NIFK: variants seen among roughly 807,000 people sequenced by gnomAD.
NIFK encodes the protein nucleolar protein interacting with the FHA domain of MKI67.
A neutral mutation model predicts 31.7 loss-of-function variants in NIFK; 16 were observed. The observed-to-expected ratio is 0.50, with a 90% CI of 0.34 to 0.77. NIFK has a LOEUF of 0.77. Among genes scored for constraint, NIFK ranks in the 30% least tolerant of loss-of-function variants. The pLI, the probability that NIFK is intolerant of heterozygous loss-of-function variation, is 0.01. For synonymous variants in NIFK, 126 were observed against 123.0 expected (o/e 1.02, Z -0.16); for missense variants, 341 against 350.4 (o/e 0.97, Z 0.21).
chr2:121,733,796 G>A (rs1470972729), intron 2 of NIFK, among the ~76,000 whole-genome samples: 1 of 152,118 alleles, frequency 6.6e-6, no homozygotes, highest in Non-Finnish European at 1.5e-5. Flanking sequence ...TTTCAGTTAT[G>A]CTTACATGCA....
At chr2:121,734,901 C>T (rs886286078) in intron 2 of NIFK, among the ~76,000 whole-genome samples, 2 of 152,178 alleles carry the variant, frequency 1.3e-5, no homozygotes, top group Non-Finnish European at 1.5e-5. Flanking sequence ...TCTATCTTTA[C>T]GACAACTAAC....
Position 121,727,766 on chromosome 2 carries a change from AG to A in NIFK, c.839del (p.Pro280LeufsTer30). 3.7e-6 allele frequency: 6 copies of A among 1,605,304 alleles called. No homozygotes were observed. The highest frequency in any genetic ancestry group is 5.1e-6 in the Non-Finnish European group (6 of 1,178,182). Reference protein sequence around the residue: ...VKEEIQETQTPTHSRKKRRRS... With the variant: ...VKEEIQETQTXTHSRKKRRRS... ...TTCGTCTTTTTTTCCGTGAATGTGT[AG>A]GTGTTTGAGTCTCTTGTATTTCTTC... On this transcript the variant is annotated frameshift_variant, in exon 7 of 7. Transcript: ENST00000285814. LOFTEE classifies it high-confidence loss of function.
chr2:121,736,782 T>C lies in NIFK; in HGVS notation c.69A>G (p.Gln23=). Residue 23 remains glutamine (Q), a synonymous_variant, in exon 1 of 7, where the codon CAA becomes CAG. Coordinates refer to ENST00000285814, the MANE Select transcript of NIFK (RefSeq NM_032390.5). The part of the protein sequence containing the change: ...SLNPQEDVEF[Q]KEVAQVRKRI... ...GCTTGCGAACCTGCGCCACCTCCTT[T>C]TGAAACTCGACATCTTCCTGCGGAT... 6.2e-7 allele frequency: 1 copy of C among 1,614,132 alleles called. No homozygotes were observed. Among genetic ancestry groups the C allele is most frequent in the East Asian group, 2.2e-5 (1 of 44,876 alleles).
In NIFK at chr2:121,735,699, G is replaced by C; in HGVS notation, c.157C>G (p.Pro53Ala). Residue 53 changes from proline (P) to alanine (A), a missense_variant, in exon 2 of 7, where the codon CCT (proline) becomes GCT (alanine). Pro to Ala is a conservative substitution (Grantham distance 27). Transcript: ENST00000285814. ...ATCTGGGTTTCGTCAAGTAGGTTAG[G>C]TAGGTGGCGCACATAGACTACTCCA... ...TPGVVYVRHL[P>A]NLLDETQIFS... The C allele has an allele frequency of 1.2e-6, 2 of 1,613,536 alleles. No individual in the cohort carries two copies. The highest frequency in any genetic ancestry group is 1.1e-5 in the South Asian group (1 of 91,070).
At chr2:121,731,328 C>T (rs972859004) in intron 3 of NIFK, 4 of 517,588 alleles carry the variant, frequency 7.7e-6, no homozygotes, top group Non-Finnish European at 1.4e-5. Context: ...ACCATGGGCA[C>T]AGGGAAGCCA....
At chr2:121,732,799 G>A (rs1303637671) in intron 2 of NIFK, among the ~76,000 whole-genome samples, 1 of 152,024 alleles carries the variant, frequency 6.6e-6, no homozygotes. Context: ...TGGTCAACAC[G>A]GTGAAACCCC....
intron 2 of NIFK, among the ~76,000 whole-genome samples, chr2:121,733,513 TAAA>T (rs746296814): frequency 2.2e-5 from 3 of 138,764 alleles, no homozygotes; most frequent in Non-Finnish European, 4.7e-5. Flanking sequence ...AGACTCCATT[TAAA>T]AAAAAAAAAA....
Position 121,735,608 on chromosome 2 carries a change from C to T in NIFK, c.243+5G>A. ...AAACATTAAATCCAACTGCAAAAAT[C>T]TTACCCTTTTACTTCTGGACAGCCT... On this transcript the variant is annotated splice_donor_5th_base_variant and intron_variant, in intron 2 of 6. Transcript: ENST00000285814. 1 of 1,611,874 alleles carries T rather than the reference C, an allele frequency of 6.2e-7. No homozygotes were observed. The highest frequency in any genetic ancestry group is 1.1e-5 in the South Asian group (1 of 90,980).
chr2:121,731,462 G>A (rs148865027), intron 3 of NIFK, among the ~76,000 whole-genome samples: 38 of 152,266 alleles, frequency 2.5e-4, no homozygotes, highest in East Asian at 2.3e-3. Context: ...CATCTGGTGC[G>A]TCACTCCTCC....
intron 6 of NIFK, 179 bp downstream of exon 6, chr2:121,728,109 A>C: frequency 1.5e-6 from 1 of 687,998 alleles, no homozygotes; most frequent in African/African-American, 1.8e-5. Flanking sequence ...CACAATTAAC[A>C]AATATAGCAT....
chr2:121,727,240 C>G lies in NIFK; in HGVS notation c.*484G>C, dbSNP rs552955016. The G allele has an allele frequency of 3.1e-6, 1 of 326,702 alleles. No homozygotes were observed. Among genetic ancestry groups the G allele is most frequent in the Admixed American group, 4.2e-5 (1 of 24,032 alleles). The allele number at this position is 326,702 out of a possible 1,614,324, so 20.2% of individuals were successfully genotyped here. ...ACACATAAACAAATCTGTGCTAAAA[C>G]TGGAACTGCCTTCTCACTCTACATA... On this transcript the variant is annotated 3_prime_UTR_variant, in exon 7 of 7. Coordinates refer to ENST00000285814, the MANE Select transcript of NIFK (RefSeq NM_032390.5).
At chr2:121,730,801 TG>T (rs1425855171) in intron 4 of NIFK, 91 bp downstream of exon 4, 3 of 821,000 alleles carry the variant, frequency 3.7e-6, no homozygotes, top group Non-Finnish European at 6.2e-6. Context: ...GTCAAGATTG[TG>T]GTAAGTGCTA....
chr2:121,734,178 C>A (rs982792219), intron 2 of NIFK, among the ~76,000 whole-genome samples: 3 of 151,890 alleles, frequency 2.0e-5, no homozygotes, highest in African/African-American at 4.8e-5. Context: ...TACCTGTAAT[C>A]CCAGCCACTC....
rs11556737 is a variant in NIFK, at chr2:121,735,724, A to C, written c.132T>G (p.Pro44=). Residue 44 remains proline (P), a synonymous_variant, in exon 2 of 7, where the codon CCT becomes CCG. Coordinates refer to ENST00000285814, the MANE Select transcript of NIFK (RefSeq NM_032390.5). Reference sequence around the variant, plus strand: ...GTAGGTGGCGCACATAGACTACTCCAGGAGTAAGTTGTTCTTGTTTTTTTC... The same window carrying C: ...GTAGGTGGCGCACATAGACTACTCCCGGAGTAAGTTGTTCTTGTTTTTTTC... The part of the protein sequence containing the change: ...TQRKKQEQLT[P]GVVYVRHLPN... 2.5e-6 allele frequency: 4 copies of C among 1,613,218 alleles called. No homozygotes were observed. The highest frequency in any genetic ancestry group is 3.4e-6 in the Non-Finnish European group (4 of 1,179,876).
At position 121,727,193 on chromosome 2, in the gene NIFK, T is replaced by C. The variant is rs796647630; in HGVS notation, c.*531A>G. 1.6e-5 allele frequency: 4 copies of C among 244,248 alleles called. No homozygotes were observed. The highest frequency in any genetic ancestry group is 6.8e-5 in the African/African-American group (3 of 44,100). 15.1% of individuals were successfully genotyped at this position (244,248 alleles called of 1,614,324 possible). ...CATTATTGGTAAAAATGAGTCATTTTTGAATCTCTATTAAAATCTGAACAC... is the reference window on the plus strand; with the variant it reads ...CATTATTGGTAAAAATGAGTCATTTCTGAATCTCTATTAAAATCTGAACAC... On this transcript the variant is annotated 3_prime_UTR_variant, in exon 7 of 7. Coordinates refer to ENST00000285814, the MANE Select transcript of NIFK (RefSeq NM_032390.5).
chr2:121,732,039 A>T (rs1473398787), intron 3 of NIFK, 57 bp downstream of exon 3: 1 of 963,978 alleles, frequency 1.0e-6, no homozygotes. Flanking sequence ...TTCCCACCAC[A>T]GTCACCCACC....
Position 121,732,201 on chromosome 2 carries a change from C to T in NIFK, c.247G>A (p.Gly83Arg). Residue 83 changes from glycine to arginine, a missense_variant, in exon 3 of 7, where the codon GGA becomes AGA. By Grantham distance (125) the Gly-to-Arg change is moderately radical (BLOSUM62 -2). Transcript: ENST00000285814. ...ACAAATGCATAGCCTTTGCTATTTC[C>T]AGTCTGCAACAGAGAAACCGCCACA... is the stretch of plus-strand genomic sequence containing the variant. The part of the protein sequence containing the change: ...RFRLSRSKRT[G>R]NSKGYAFVEF... 3 of 1,591,712 alleles carry T rather than the reference C, an allele frequency of 1.9e-6. No homozygotes were observed. The highest frequency in any genetic ancestry group is 2.6e-6 in the Non-Finnish European group (3 of 1,162,118).
chr2:121,728,241 A>T (rs780775517), intron 6 of NIFK, 47 bp downstream of exon 6: 7 of 1,176,796 alleles, frequency 5.9e-6, no homozygotes. Context: ...CCTCCTTCAA[A>T]TTATTTCTAT....
intron 1 of NIFK, 154 bp from the exon 2 acceptor site, chr2:121,735,904 A>C: frequency 1.6e-6 from 1 of 622,254 alleles, no homozygotes; most frequent in Non-Finnish European, 2.7e-6. Flanking sequence ...CTCCCCACAA[A>C]GGCCATGGTC....
Sources: allele counts gnomAD v4.1 joint callset (sites outside exome capture counted in the v4.1 genomes callset), GRCh38; gene constraint gnomAD v4.1.1; transcripts MANE v1.5; gene names NCBI Gene and HGNC (gene_info 2026-07-23, HGNC 2026-07-21).